The following PRPF39 variants were observed in gnomAD, a reference collection of about 807,000 sequenced individuals.
PRPF39 encodes pre-mRNA processing factor 39.
In PRPF39, 27 loss-of-function variants were observed where a neutral mutation model predicts 82.1. That is an observed-to-expected ratio of 0.33 (90% CI 0.24 to 0.45). The LOEUF (loss-of-function observed/expected upper bound fraction) is 0.45, where lower values mean the gene tolerates loss of function less well. Among genes scored for constraint, PRPF39 ranks in the 20% least tolerant of loss-of-function variants. PRPF39 has a pLI of 1.00. For missense variants in PRPF39, 581 were observed against 796.9 expected (o/e 0.73, Z 3.26); for synonymous variants, 261 against 256.4 (o/e 1.02, Z -0.17).
chr14:45,104,021 T>C (rs1884452043), intron 5 of PRPF39, among the ~76,000 whole-genome samples: 1 of 152,286 alleles, frequency 6.6e-6, no homozygotes, highest in East Asian at 1.9e-4. Context: ...ATTGTTCCCA[T>C]TTTATGAAAG....
intron 11 of PRPF39, 24 bp downstream of exon 11, chr14:45,112,526 A>G: frequency 2.8e-6 from 4 of 1,431,754 alleles, no homozygotes; most frequent in Non-Finnish European, 3.7e-6. Context: ...TATATTACCT[A>G]TTTGAATGAT....
chr14:45,090,755 G>C (rs1433428302), intron 1 of PRPF39, among the ~76,000 whole-genome samples: 1 of 152,014 alleles, frequency 6.6e-6, no homozygotes, highest in Non-Finnish European at 1.5e-5. Flanking sequence ...TATGTGTTGT[G>C]TGTTAGCTCT....
At chr14:45,097,672 G>C (rs1594728227) in intron 4 of PRPF39, among the ~76,000 whole-genome samples, 1 of 151,998 alleles carries the variant, frequency 6.6e-6, no homozygotes. Context: ...TTTATGTCTT[G>C]ATTGCTCATC....
Position 45,110,954 on chromosome 14 carries a change from A to T in PRPF39, c.1572+137A>T. 1.2e-6 allele frequency: 1 copy of T among 865,212 alleles called. No homozygotes were observed. Among genetic ancestry groups the T allele is most frequent in the African/African-American group, 1.7e-5 (1 of 58,748 alleles). 53.6% of individuals were successfully genotyped at this position (865,212 alleles called of 1,614,324 possible). A position where few individuals can be genotyped will look rare whatever the true frequency, so the allele number is the denominator to read the frequency against. Reference sequence around the variant, plus strand: ...ACTAAATGAGGACAACAGTCCCTCTAAACTGATGTTGCCATTTAAAAATTT... The same window carrying T: ...ACTAAATGAGGACAACAGTCCCTCTTAACTGATGTTGCCATTTAAAAATTT... On this transcript the variant is annotated intron_variant, in intron 10 of 13. Coordinates refer to ENST00000355765, the MANE Select transcript of PRPF39 (RefSeq NM_017922.4). This position sits in a 1 kb window ranked among gnomAD's most constrained non-coding sequence, Gnocchi z 4.0.
At chr14:45,108,830 C>A (rs1220462360) in intron 7 of PRPF39, among the ~76,000 whole-genome samples, 1 of 152,108 alleles carries the variant, frequency 6.6e-6, no homozygotes, top group African/African-American at 2.4e-5. Context: ...TTACAATTCA[C>A]CCATTTTAGA....
intron 10 of PRPF39, chr14:45,111,106 A>C (rs1460822420): frequency 1.2e-5 from 4 of 341,358 alleles, no homozygotes. Flanking sequence ...TACTAAGTAG[A>C]ACAGAGGACT....
chr14:45,112,578 T>A, intron 11 of PRPF39, 76 bp downstream of exon 11: 1 of 1,296,130 alleles, frequency 7.7e-7, no homozygotes, highest in Non-Finnish European at 1.0e-6. Context: ...TGATGATTAG[T>A]ATAGATTAAT....
chr14:45,091,881 T>C (rs995666745), intron 1 of PRPF39, among the ~76,000 whole-genome samples: 1 of 152,222 alleles, frequency 6.6e-6, no homozygotes, highest in African/African-American at 2.4e-5. Context: ...AATAGAAAAC[T>C]TGTATATTGA....
intron 1 of PRPF39, among the ~76,000 whole-genome samples, chr14:45,092,324 T>C (rs931730773): frequency 6.6e-6 from 1 of 152,110 alleles, no homozygotes; most frequent in Non-Finnish European, 1.5e-5. Flanking sequence ...CAGCATCGGC[T>C]GTGCACGGTG....
At chr14:45,091,042 TTTG>T in intron 1 of PRPF39, among the ~76,000 whole-genome samples, 1 of 150,736 alleles carries the variant, frequency 6.6e-6, no homozygotes, top group East Asian at 1.9e-4. Flanking sequence ...TTTCATACTA[TTTG>T]TTCTTTCTTT....
rs1290742968 is a variant in PRPF39, at chr14:45,112,419, T to C, written c.1674T>C (p.His558=). ...NILNCFDKAV[H]GSLPIKMRIT... ...TAAATTGTTTTGACAAAGCTGTACA[T>C]GGTTCATTACCTATTAAAATGAGAA... Residue 558 remains histidine (H), a synonymous_variant, in exon 11 of 14, where the codon CAT becomes CAC. Transcript: ENST00000355765. The C allele has an allele frequency of 2.5e-6, 4 of 1,571,536 alleles. No homozygotes were observed. Among genetic ancestry groups the C allele is most frequent in the Non-Finnish European group, 3.4e-6 (4 of 1,167,654 alleles).
At chr14:45,089,480 T>C (rs1883950526) in intron 1 of PRPF39, among the ~76,000 whole-genome samples, 1 of 152,186 alleles carries the variant, frequency 6.6e-6, no homozygotes, top group Non-Finnish European at 1.5e-5. Context: ...ATTTCTTTCT[T>C]TTTTTTGAGG....
intron 1 of PRPF39, among the ~76,000 whole-genome samples, chr14:45,087,817 G>T (rs1216776755): frequency 6.9e-6 from 1 of 145,540 alleles, no homozygotes; most frequent in Non-Finnish European, 1.5e-5. Context: ...TCTATCTCCT[G>T]ACCTCATGAT....
chr14:45,109,705 G>C lies in PRPF39; in HGVS notation c.1101G>C (p.Gly367=), dbSNP rs1384398762. The change falls in exon 8 of 14, where the codon GGG becomes GGC. Residue 367 remains glycine (G), a synonymous_variant. Coordinates refer to ENST00000355765, the MANE Select transcript of PRPF39 (RefSeq NM_017922.4). The part of the protein sequence containing the change: ...KEYLEFEIEN[G]THERVVVLFE... Reference sequence around the variant, plus strand: ...ACTTAGAATTTGAAATTGAAAATGGGACTCATGAACGAGTTGTGGTTCTCT... The same window carrying C: ...ACTTAGAATTTGAAATTGAAAATGGCACTCATGAACGAGTTGTGGTTCTCT... 8.7e-6 allele frequency: 14 copies of C among 1,608,662 alleles called. No individual in the cohort carries two copies. Among genetic ancestry groups the C allele is most frequent in the Non-Finnish European group, 1.2e-5 (14 of 1,177,198 alleles).
intron 3 of PRPF39, 77 bp downstream of exon 3, chr14:45,096,305 T>C: frequency 6.7e-7 from 1 of 1,497,152 alleles, no homozygotes; most frequent in Non-Finnish European, 8.9e-7. Flanking sequence ...ATTTTTTTTT[T>C]TTTTTTTTTT....
In PRPF39 at chr14:45,114,247, G is replaced by A. The variant is rs750637285; in HGVS notation, c.1822G>A (p.Ala608Thr). ...LKEQDSLKRKAENGSEEPEEK... is the reference protein window; with the variant it reads ...LKEQDSLKRKTENGSEEPEEK... ...AGAACAGGATTCTTTAAAAAGGAAA[G>A]CAGAAAATGGGTATGTCACTTTTTG... Residue 608 changes from alanine to threonine, a missense_variant, in exon 12 of 14, where the codon GCA becomes ACA. Coordinates refer to ENST00000355765, the MANE Select transcript of PRPF39 (RefSeq NM_017922.4). 6.3e-7 allele frequency: 1 copy of A among 1,596,322 alleles called. No individual in the cohort carries two copies. The highest frequency in any genetic ancestry group is 1.7e-5 in the Admixed American group (1 of 59,136).
In PRPF39 at chr14:45,112,555, T is replaced by C. The variant is rs74700214; in HGVS notation, c.1757+53T>C. 2,973 of 1,398,606 alleles carry C rather than the reference T, an allele frequency of 2.1e-3. 92 individuals carry two copies. The East Asian group carries it at 0.066, about 31-fold the overall frequency. The allele number at this position is 1,398,606 out of a possible 1,614,324, so 86.6% of individuals were successfully genotyped here. On this transcript the variant is annotated intron_variant, in intron 11 of 13. Transcript: ENST00000355765. ...GAATGATAAATGAGCATTGATATTT[T>C]TGTATGGGGATTTGATGATTAGTAT... is the stretch of plus-strand genomic sequence containing the variant.
intron 1 of PRPF39, among the ~76,000 whole-genome samples, chr14:45,088,748 TTTCA>T (rs927146538): frequency 2.6e-5 from 4 of 152,242 alleles, no homozygotes; most frequent in African/African-American, 7.2e-5. Flanking sequence ...GATGACATGC[TTTCA>T]TTCATTCATT....
intron 7 of PRPF39, 80 bp from the exon 8 acceptor site, chr14:45,109,535 AT>A: frequency 9.3e-7 from 1 of 1,079,620 alleles, no homozygotes; most frequent in Non-Finnish European, 1.2e-6. Flanking sequence ...TATATTTAAA[AT>A]TATTTGTATT....
Sources: gnomAD v4.1 joint callset for allele counts (sites outside exome capture counted in the v4.1 genomes callset) on GRCh38, gnomAD v4.1.1 for gene constraint, Gnocchi (gnomAD v3.1) non-coding constraint, MANE v1.5 for transcripts, NCBI Gene and HGNC (gene_info 2026-07-23, HGNC 2026-07-21) for gene names.